Variants in GAB1 observed in about 807,000 individuals in gnomAD.
GAB1 encodes the protein GRB2 associated binding protein 1, also known as GRB2-associated-binding protein 1.
A neutral mutation model predicts 66.5 loss-of-function variants in GAB1; 19 were observed. The ratio of observed to expected loss-of-function variants is 0.29; its 90% CI spans 0.20 to 0.42. The LOEUF is 0.42. GAB1 is among the 10% of genes least tolerant of loss of function. The pLI is 1.00. For missense variants in GAB1, 732 were observed against 858.5 expected (o/e 0.85, Z 1.84); for synonymous variants, 294 against 301.4 (o/e 0.98, Z 0.25).
chr4:143,387,166 T>C (rs1053362808), intron 1 of GAB1, among the ~76,000 whole-genome samples: 4 of 152,198 alleles, frequency 2.6e-5, no homozygotes, highest in African/African-American at 9.7e-5. Flanking sequence ...AGTTTCGCTC[T>C]TTTTGCCCAG....
chr4:143,449,546 GGCCTTC>G (rs1268027502), intron 6 of GAB1, among the ~76,000 whole-genome samples: 1 of 152,056 alleles, frequency 6.6e-6, no homozygotes, highest in Non-Finnish European at 1.5e-5. Flanking sequence ...ATTATGTAAT[GGCCTTC>G]TTTGTCTCTT....
At chr4:143,338,712 G>GGTGTGTGTGTGTGTGT (rs56381817) in intron 1 of GAB1, among the ~76,000 whole-genome samples, 1,923 of 149,252 alleles carry the variant, frequency 0.013, 44 homozygotes, top group African/African-American at 0.038. Context: ...GAAAGGTAGG[G>GGTGTGTGTGTGTGTGT]GTGTGTGTGT....
At chr4:143,417,384 C>A (rs942122367) in intron 2 of GAB1, 5 of 413,738 alleles carry the variant, frequency 1.2e-5, no homozygotes, top group African/African-American at 6.3e-5. Flanking sequence ...TGGAATTCTA[C>A]CTCGGGTACT....
At chr4:143,461,261 T>G (rs1224674555) in intron 8 of GAB1, among the ~76,000 whole-genome samples, 1 of 152,234 alleles carries the variant, frequency 6.6e-6, no homozygotes, top group Non-Finnish European at 1.5e-5. Context: ...TAAGTTCCCC[T>G]CTGAGTAAAA....
intron 2 of GAB1, among the ~76,000 whole-genome samples, chr4:143,424,094 T>C (rs1397112113): frequency 1.3e-5 from 2 of 151,922 alleles, no homozygotes; most frequent in Admixed American, 6.6e-5. Flanking sequence ...AGCCATGAAG[T>C]TTAAAAAAAG....
chr4:143,366,817 C>A (rs902866420), intron 1 of GAB1, among the ~76,000 whole-genome samples: 4 of 151,956 alleles, frequency 2.6e-5, no homozygotes, highest in Admixed American at 2.6e-4. Context: ...AATTGATTTT[C>A]AATTCAATTT....
intron 1 of GAB1, among the ~76,000 whole-genome samples, chr4:143,372,728 A>G (rs1192495649): frequency 6.6e-6 from 1 of 152,190 alleles, no homozygotes; most frequent in Non-Finnish European, 1.5e-5. Context: ...GATATTGGCA[A>G]GTGGAAACTT....
At chr4:143,439,981 A>G (rs1734135045) in intron 5 of GAB1, 94 bp downstream of exon 5, 5 of 1,403,566 alleles carry the variant, frequency 3.6e-6, no homozygotes, top group Non-Finnish European at 5.0e-6. Flanking sequence ...ATGAAATAAA[A>G]GTACGCTGAG....
intron 1 of GAB1, among the ~76,000 whole-genome samples, chr4:143,401,268 C>CT (rs1038745000): frequency 1.3e-5 from 2 of 151,994 alleles, no homozygotes; most frequent in Non-Finnish European, 2.9e-5. Flanking sequence ...ATCAAGAGAT[C>CT]TTTTTTTGGA....
chr4:143,466,304 T>A, intron 9 of GAB1, 79 bp downstream of exon 9: 3 of 1,389,380 alleles, frequency 2.2e-6, no homozygotes, highest in South Asian at 2.8e-5. Context: ...TCCTTTGGGA[T>A]AATTTTATTA....
chr4:143,378,726 T>G (rs1730528409), intron 1 of GAB1, among the ~76,000 whole-genome samples: 1 of 151,812 alleles, frequency 6.6e-6, no homozygotes, highest in Non-Finnish European at 1.5e-5. Flanking sequence ...AGTATCTTTC[T>G]GAACCACCGT....
chr4:143,410,821 T>G (rs1195176103), intron 1 of GAB1, among the ~76,000 whole-genome samples: 2 of 152,238 alleles, frequency 1.3e-5, no homozygotes, highest in African/African-American at 4.8e-5. Flanking sequence ...GCCTCAAACA[T>G]TTTGTATTGC....
chr4:143,451,548 T>A (rs1240713868), intron 6 of GAB1, among the ~76,000 whole-genome samples: 1 of 152,160 alleles, frequency 6.6e-6, no homozygotes, highest in African/African-American at 2.4e-5. Context: ...TTAAAGGAAA[T>A]AAGTATGGAG....
chr4:143,466,637 G>A (rs28924074), intron 9 of GAB1, among the ~76,000 whole-genome samples: 96 of 151,558 alleles, frequency 6.3e-4, no homozygotes, highest in African/African-American at 2.0e-3. Context: ...TTACAGATGC[G>A]CGCCACCACT....
chr4:143,444,303 A>ATGT (rs2149765469), intron 6 of GAB1, among the ~76,000 whole-genome samples: 1 of 152,192 alleles, frequency 6.6e-6, no homozygotes, highest in Non-Finnish European at 1.5e-5. Context: ...TTATGTTGTT[A>ATGT]TGTTTGGCCT....
chr4:143,437,878 T>C (rs769963172), intron 3 of GAB1, 121 bp from the exon 4 acceptor site: 14 of 972,602 alleles, frequency 1.4e-5, no homozygotes, highest in Non-Finnish European at 2.1e-5. Flanking sequence ...ATCCTATGGA[T>C]CACACAAAAA....
intron 9 of GAB1, 49 bp from the exon 10 acceptor site, chr4:143,468,981 AG>A: frequency 6.3e-7 from 1 of 1,589,844 alleles, no homozygotes; most frequent in Non-Finnish European, 8.6e-7. Context: ...AGTTGTACTC[AG>A]GAACACTCCT....
intron 1 of GAB1, among the ~76,000 whole-genome samples, chr4:143,366,011 A>G (rs1195539848): frequency 1.3e-5 from 2 of 152,216 alleles, no homozygotes; most frequent in African/African-American, 4.8e-5. Flanking sequence ...AAACATTGCT[A>G]GTTTATTTCA....
At chr4:143,389,632 A>C (rs1731090263) in intron 1 of GAB1, among the ~76,000 whole-genome samples, 1 of 152,208 alleles carries the variant, frequency 6.6e-6, no homozygotes, top group Non-Finnish European at 1.5e-5. Flanking sequence ...TCAAGATAAA[A>C]ACTATGACCA....
Sources: allele counts gnomAD v4.1 joint callset (sites outside exome capture counted in the v4.1 genomes callset), GRCh38; gene constraint gnomAD v4.1.1; transcripts MANE v1.5; gene names NCBI Gene and HGNC (gene_info 2026-07-23, HGNC 2026-07-21).